The following AKAP11 variants were observed in gnomAD, a reference collection of about 807,000 sequenced individuals.
AKAP11 encodes the protein A-kinase anchoring protein 11, also known as A-kinase anchor protein 11.
Under a neutral mutation model 146.1 loss-of-function variants are expected in AKAP11, and 36 were observed. The observed-to-expected ratio is 0.25, with a 90% CI of 0.19 to 0.33. AKAP11 has a LOEUF of 0.33. AKAP11 is among the 10% of genes least tolerant of loss of function. AKAP11 has a pLI of 1.00. For synonymous variants in AKAP11, 780 were observed against 786.5 expected (o/e 0.99, Z 0.14); for missense variants, 2,201 against 2,197.0 (o/e 1.00, Z -0.04).
chr13:42,321,196 G>A lies in AKAP11; in HGVS notation c.*1968G>A, dbSNP rs1172152031. 6.6e-6 allele frequency: 1 copy of A among 152,308 alleles called. No individual in the cohort carries two copies. Among genetic ancestry groups the A allele is most frequent in the African/African-American group, 2.4e-5 (1 of 41,444 alleles). The allele number at this position is 152,308 out of a possible 1,614,324, so 9.4% of individuals were successfully genotyped here. ...TATCAAATTGTGTTTAGTAACTTGAGTGTATGCACAAGTTTGATCAACAGC... is the reference window on the plus strand; with the variant it reads ...TATCAAATTGTGTTTAGTAACTTGAATGTATGCACAAGTTTGATCAACAGC... On this transcript the variant is annotated 3_prime_UTR_variant, in exon 13 of 13. Coordinates refer to ENST00000025301, the MANE Select transcript of AKAP11 (RefSeq NM_016248.4).
intron 1 of AKAP11, among the ~76,000 whole-genome samples, chr13:42,281,686 T>G (rs1309224129): frequency 6.6e-6 from 1 of 152,162 alleles, no homozygotes; most frequent in Admixed American, 6.5e-5. Context: ...CCAATGTCTG[T>G]ACTCATCTAG....
At chr13:42,281,989 T>C (rs1959071926) in intron 1 of AKAP11, among the ~76,000 whole-genome samples, 1 of 151,430 alleles carries the variant, frequency 6.6e-6, no homozygotes, top group Non-Finnish European at 1.5e-5. Context: ...TCTTTTTTTT[T>C]TTTTTTTGAG....
chr13:42,307,231 TTAGAA>T (rs1960307976), intron 8 of AKAP11, among the ~76,000 whole-genome samples: 1 of 152,106 alleles, frequency 6.6e-6, no homozygotes, highest in Non-Finnish European at 1.5e-5. Flanking sequence ...TCTTACAAAA[TTAGAA>T]TAGCTGAAAA....
chr13:42,290,289 C>T (rs1222602229), intron 3 of AKAP11, among the ~76,000 whole-genome samples: 1 of 152,184 alleles, frequency 6.6e-6, no homozygotes, highest in Non-Finnish European at 1.5e-5. Context: ...TTCAACACAA[C>T]ACCTGAAAGG....
intron 1 of AKAP11, among the ~76,000 whole-genome samples, chr13:42,276,642 A>C (rs753750067): frequency 1.6e-4 from 25 of 152,152 alleles, no homozygotes; most frequent in Non-Finnish European, 3.1e-4. Flanking sequence ...CAAAGAAAAA[A>C]ATTTTCTTTC....
chr13:42,313,015 A>T (rs774612558), intron 9 of AKAP11, 32 bp from the exon 10 acceptor site: 44 of 1,571,490 alleles, frequency 2.8e-5, no homozygotes, highest in Non-Finnish European at 3.8e-5. Flanking sequence ...TTCATTTTCT[A>T]GTTCAGCTCT....
chr13:42,284,536 C>G (rs1374707664), intron 1 of AKAP11, among the ~76,000 whole-genome samples: 1 of 152,172 alleles, frequency 6.6e-6, no homozygotes, highest in Non-Finnish European at 1.5e-5. Context: ...GCTTTGGCCA[C>G]TATACATTTT....
At chr13:42,317,495 T>C in intron 11 of AKAP11, 33 bp from the exon 12 acceptor site, 4 of 1,586,182 alleles carry the variant, frequency 2.5e-6, no homozygotes, top group Non-Finnish European at 3.4e-6. Flanking sequence ...AATTGATGAG[T>C]TTTACTTTAT....
At chr13:42,275,356 G>T (rs1958892617) in intron 1 of AKAP11, among the ~76,000 whole-genome samples, 1 of 152,222 alleles carries the variant, frequency 6.6e-6, no homozygotes, top group South Asian at 2.1e-4. Flanking sequence ...CCAAGTCTCA[G>T]TTATGTTTCT....
intron 1 of AKAP11, among the ~76,000 whole-genome samples, chr13:42,281,809 C>A (rs1959065379): frequency 6.6e-6 from 1 of 151,958 alleles, no homozygotes; most frequent in African/African-American, 2.4e-5. Context: ...ACTTAATGAT[C>A]TACCATCTTC....
At chr13:42,281,428 A>T (rs1959056155) in intron 1 of AKAP11, among the ~76,000 whole-genome samples, 1 of 152,156 alleles carries the variant, frequency 6.6e-6, no homozygotes, top group African/African-American at 2.4e-5. Context: ...GTAGGAAGAG[A>T]GTCAAGATAT....
intron 9 of AKAP11, among the ~76,000 whole-genome samples, chr13:42,310,320 G>T (rs1451349644): frequency 6.6e-6 from 1 of 152,184 alleles, no homozygotes; most frequent in African/African-American, 2.4e-5. Context: ...AGGATTGGTG[G>T]TGTGCTCGTT....
At chr13:42,310,856 CAA>C (rs34581714) in intron 9 of AKAP11, among the ~76,000 whole-genome samples, 501 of 123,670 alleles carry the variant, frequency 4.1e-3, no homozygotes, top group Middle Eastern at 0.016. Flanking sequence ...CAGACTCCGT[CAA>C]AAAAAAAAAA....
Position 42,301,892 on chromosome 13 carries a change from A to G in AKAP11, c.3146A>G (p.Asn1049Ser). 3.7e-6 allele frequency: 6 copies of G among 1,614,140 alleles called. No homozygotes were observed. The highest frequency in any genetic ancestry group is 5.1e-6 in the Non-Finnish European group (6 of 1,180,018). ...SAKDQPLKKH[N>S]LNSTSLEALS... is the part of the protein sequence containing the mutation. ...AAGGATCAACCACTGAAAAAGCATA[A>G]CTTGAATAGTACATCACTTGAGGCC... The change falls in exon 8 of 13, where the codon AAC (asparagine) becomes AGC (serine). Residue 1049 changes from asparagine to serine, a missense_variant. Asn to Ser is a conservative substitution (Grantham distance 46). Around this residue, in one of 3 missense-constraint regions of AKAP11, gnomAD observed 1,867 missense variants for 1,833.5 expected, o/e 1.02. Transcript: ENST00000025301.
In AKAP11 at chr13:42,318,537, A is replaced by T. The variant is rs117203850; in HGVS notation, c.5566-551A>T. The stretch of plus-strand genomic sequence containing the variant: ...ACAAAAGCATGTCGTGAGTGGTGAC[A>T]ACAGGATTTATTTAAACCTGTATTT... On this transcript the variant is annotated intron_variant, in intron 12 of 12. Transcript: ENST00000025301. Among the ~76,000 whole-genome samples the T allele has an allele frequency of 3.6e-3, 545 of 152,296 alleles. 4 individuals are homozygous for T. The highest frequency in any genetic ancestry group is 3.4e-3 in the Non-Finnish European group (232 of 68,016).
In AKAP11 at chr13:42,298,526, T is replaced by G; in HGVS notation, c.352-7T>G. 6.2e-7 allele frequency: 1 copy of G among 1,607,052 alleles called. No homozygotes were observed. The highest frequency in any genetic ancestry group is 8.5e-7 in the Non-Finnish European group (1 of 1,177,816). On this transcript the variant is annotated splice_region_variant and splice_polypyrimidine_tract_variant and intron_variant, in intron 6 of 12. Coordinates refer to ENST00000025301, the MANE Select transcript of AKAP11 (RefSeq NM_016248.4). ...AATTGTTTTTATTATCTTTTATCTTTCCCAAGAGTCATCCTTCTGGAATGC... is the reference window on the plus strand; with the variant it reads ...AATTGTTTTTATTATCTTTTATCTTGCCCAAGAGTCATCCTTCTGGAATGC...
At position 42,322,588 on chromosome 13, in the gene AKAP11, C is replaced by T. The variant is rs1165833034; in HGVS notation, c.*3360C>T. On this transcript the variant is annotated 3_prime_UTR_variant, in exon 13 of 13. Transcript: ENST00000025301. ...AGGGAGAATACTTTGCATTTAAAAACCCTGTCCACCTGTCACCAGCACAAG... is the reference window on the plus strand; with the variant it reads ...AGGGAGAATACTTTGCATTTAAAAATCCTGTCCACCTGTCACCAGCACAAG... 3 of 152,076 alleles carry T rather than the reference C, an allele frequency of 2.0e-5. No individual in the cohort carries two copies. The highest frequency in any genetic ancestry group is 6.6e-5 in the Admixed American group (1 of 15,262). 9.4% of individuals were successfully genotyped at this position (152,076 alleles called of 1,614,324 possible).
chr13:42,295,560 C>A, intron 4 of AKAP11, 135 bp from the exon 5 acceptor site: 1 of 799,408 alleles, frequency 1.3e-6, no homozygotes, highest in Non-Finnish European at 2.0e-6. Flanking sequence ...ATTTTTGGGT[C>A]ATCTTTGAAA....
intron 9 of AKAP11, among the ~76,000 whole-genome samples, chr13:42,310,510 A>G (rs956100432): frequency 2.0e-5 from 3 of 152,182 alleles, no homozygotes; most frequent in African/African-American, 7.2e-5. Context: ...GACAATTGAT[A>G]TCTATACTGT....
Sources: allele counts gnomAD v4.1 joint callset (sites outside exome capture counted in the v4.1 genomes callset), GRCh38; gene constraint gnomAD v4.1.1; regional missense constraint gnomAD v4.1.1; transcripts MANE v1.5; gene names NCBI Gene and HGNC (gene_info 2026-07-23, HGNC 2026-07-21).